SDK1: variants seen among roughly 807,000 people sequenced by gnomAD.
SDK1 encodes the protein sidekick cell adhesion molecule 1.
A neutral mutation model predicts 245.5 loss-of-function variants in SDK1; 157 were observed. That is an observed-to-expected ratio of 0.64 (90% CI 0.56 to 0.73). The LOEUF is 0.73. Among genes scored for constraint, SDK1 ranks in the 30% least tolerant of loss-of-function variants. The probability of loss-of-function intolerance (pLI) is 0.00; values close to 1 mark genes in which losing one functional copy is unlikely to be tolerated. For synonymous variants in SDK1, 1,647 were observed against 1,278.5 expected (o/e 1.29, Z -6.15); for missense variants, 3,583 against 3,002.3 (o/e 1.19, Z -4.52).
intron 5 of SDK1, among the ~76,000 whole-genome samples, chr7:3,874,029 G>A (rs76497962): frequency 0.051 from 7,794 of 152,096 alleles, 632 homozygotes; most frequent in African/African-American, 0.17. Context: ...GTTGTTGAAA[G>A]CCTGTTATGT....
rs765025126 is a variant in SDK1, at chr7:3,987,230, C to G, written c.2039C>G (p.Ser680Cys). ...CAGAACCTCCTGGTCAGCCCTAATT[C>G]TTCCCACAGCCACGCCGTGGTGCTC... ...SPQNLLVSPN[S>C]SHSHAVVLSW... is the part of the protein sequence containing the mutation. Residue 680 changes from serine (S) to cysteine (C), a missense_variant, in exon 14 of 45, where the codon TCT (serine) becomes TGT (cysteine). Transcript: ENST00000404826. The G allele has an allele frequency of 1.2e-6, 2 of 1,614,140 alleles. No homozygotes were observed. The highest frequency in any genetic ancestry group is 1.7e-6 in the Non-Finnish European group (2 of 1,179,990).
chr7:3,945,884 G>A (rs1469794979), intron 5 of SDK1, among the ~76,000 whole-genome samples: 1 of 90,846 alleles, frequency 1.1e-5, no homozygotes, highest in Non-Finnish European at 2.0e-5. Flanking sequence ...GGGCAACAGA[G>A]CAAGACTCTG....
intron 4 of SDK1, among the ~76,000 whole-genome samples, chr7:3,660,407 C>T (rs530464738): frequency 6.6e-4 from 100 of 151,662 alleles, no homozygotes; most frequent in African/African-American, 2.2e-3. Flanking sequence ...CAAGCAAACA[C>T]ATAAATAAAG....
intron 4 of SDK1, among the ~76,000 whole-genome samples, chr7:3,660,883 A>C (rs1430779403): frequency 6.6e-6 from 1 of 152,214 alleles, no homozygotes; most frequent in Non-Finnish European, 1.5e-5. Flanking sequence ...TAGATGAGGT[A>C]AATTATTATA....
chr7:3,511,865 T>C (rs958877168), intron 1 of SDK1, among the ~76,000 whole-genome samples: 3 of 149,144 alleles, frequency 2.0e-5, no homozygotes, highest in Admixed American at 6.8e-5. Context: ...TACACTGATA[T>C]CTCGTATGTC....
chr7:3,339,761 AAAT>A (rs1780297301), intron 1 of SDK1, among the ~76,000 whole-genome samples: 1 of 152,166 alleles, frequency 6.6e-6, no homozygotes, highest in Non-Finnish European at 1.5e-5. Context: ...GCACTGTTAT[AAAT>A]TAAGTTGAAA....
chr7:4,120,724 C>A (rs780976335), intron 25 of SDK1, among the ~76,000 whole-genome samples: 10 of 152,054 alleles, frequency 6.6e-5, no homozygotes, highest in Admixed American at 1.3e-4. Context: ...GCAAGCGATT[C>A]TCCTGCCTTA....
At chr7:3,470,684 T>G (rs1219795121) in intron 1 of SDK1, among the ~76,000 whole-genome samples, 1 of 152,112 alleles carries the variant, frequency 6.6e-6, no homozygotes, top group African/African-American at 2.4e-5. Flanking sequence ...AATGAATGTT[T>G]ACTTGAAAGG....
At chr7:3,849,915 A>T (rs1780376752) in intron 5 of SDK1, among the ~76,000 whole-genome samples, 1 of 152,232 alleles carries the variant, frequency 6.6e-6, no homozygotes, top group African/African-American at 2.4e-5. Flanking sequence ...ACAATAAAAT[A>T]TTAGCTTGGC....
At chr7:4,090,610 C>G (rs1294266696) in intron 22 of SDK1, among the ~76,000 whole-genome samples, 1 of 152,134 alleles carries the variant, frequency 6.6e-6, no homozygotes, top group African/African-American at 2.4e-5. Context: ...TGAGCACTTC[C>G]TTATCTTCTG....
chr7:3,443,613 G>A (rs948934379), intron 1 of SDK1, among the ~76,000 whole-genome samples: 1 of 152,176 alleles, frequency 6.6e-6, no homozygotes, highest in Admixed American at 6.5e-5. Context: ...TTCTCATACA[G>A]CCGGCATTAA....
intron 1 of SDK1, among the ~76,000 whole-genome samples, chr7:3,534,984 G>C (rs958856654): frequency 6.6e-6 from 1 of 152,120 alleles, no homozygotes; most frequent in African/African-American, 2.4e-5. Context: ...TTCCCCGTGG[G>C]CTGTGTAAAT....
chr7:3,529,333 G>C (rs558523369), intron 1 of SDK1, among the ~76,000 whole-genome samples: 300 of 152,250 alleles, frequency 2.0e-3, no homozygotes, highest in Non-Finnish European at 3.3e-3. Context: ...GGGAACCAAG[G>C]CTCCTTGAAG....
At chr7:3,807,558 GAGAC>G (rs959418673) in intron 4 of SDK1, among the ~76,000 whole-genome samples, 8 of 152,282 alleles carry the variant, frequency 5.3e-5, no homozygotes, top group African/African-American at 1.9e-4. Context: ...GGGGGAGACA[GAGAC>G]AGACAAAGAC....
intron 1 of SDK1, among the ~76,000 whole-genome samples, chr7:3,384,590 C>G (rs1308479254): frequency 8.8e-6 from 1 of 113,564 alleles, no homozygotes; most frequent in African/African-American, 2.6e-5. Flanking sequence ...ACATCATACC[C>G]TCGAACATCG....
intron 33 of SDK1, 147 bp from the exon 34 acceptor site, chr7:4,175,628 C>T (rs538279228): frequency 4.9e-4 from 353 of 723,628 alleles, no homozygotes; most frequent in Non-Finnish European, 7.7e-4. Flanking sequence ...TGGGCGGTAG[C>T]GGGGTCTTTA....
chr7:3,785,685 G>C (rs1029709350), intron 4 of SDK1, among the ~76,000 whole-genome samples: 5 of 152,102 alleles, frequency 3.3e-5, no homozygotes, highest in Non-Finnish European at 2.9e-5. Context: ...AAATTACTTA[G>C]TAAATTTAGG....
In SDK1 at chr7:4,091,334, C is replaced by CTTTTCTCTT. The variant is rs1259034611; in HGVS notation, c.3324+11754_3324+11755insCTCTTTTTT. Among the ~76,000 whole-genome samples, 205 of 108,220 alleles carry CTTTTCTCTT rather than the reference C, an allele frequency of 1.9e-3. 1 individual carries two copies. Among genetic ancestry groups the CTTTTCTCTT allele is most frequent in the Non-Finnish European group, 3.0e-3 (168 of 56,764 alleles). 71.0% of individuals were successfully genotyped at this position (108,220 alleles called of 152,430 possible). ...CACATTTGCCATTTTCTTTTCTTTT[C>CTTTTCTCTT]TTTTTTTTTTTTTTTTTTTTTTGTT... On this transcript the variant is annotated intron_variant, in intron 22 of 44. Coordinates refer to ENST00000404826, the MANE Select transcript of SDK1 (RefSeq NM_152744.4).
chr7:4,025,616 G>A (rs1345756136), intron 17 of SDK1, among the ~76,000 whole-genome samples: 1 of 152,190 alleles, frequency 6.6e-6, no homozygotes, highest in Non-Finnish European at 1.5e-5. Context: ...TGAGGGCAGG[G>A]GCTGTGTCTG....
Sources: gnomAD v4.1 joint callset for allele counts (sites outside exome capture counted in the v4.1 genomes callset) on GRCh38, gnomAD v4.1.1 for gene constraint, MANE v1.5 for transcripts, NCBI Gene and HGNC (gene_info 2026-07-23, HGNC 2026-07-21) for gene names.